Variants in ERCC6L2 observed in about 807,000 individuals in gnomAD.
ERCC6L2 encodes ERCC excision repair 6 like 2, also known as DNA excision repair protein ERCC-6-like 2.
A neutral mutation model predicts 132.0 loss-of-function variants in ERCC6L2; 77 were observed. That is an observed-to-expected ratio of 0.58 (90% confidence interval 0.49 to 0.71). The LOEUF (loss-of-function observed/expected upper bound fraction) is 0.71. Ranked by LOEUF, ERCC6L2 falls within the 30% of genes least tolerant of loss-of-function variation. The probability of loss-of-function intolerance (pLI) is 0.00; values close to 1 mark genes in which losing one functional copy is unlikely to be tolerated. For missense variants in ERCC6L2, 1,542 were observed against 1,837.6 expected (o/e 0.84, Z 2.94); for synonymous variants, 583 against 632.4 (o/e 0.92, Z 1.17).
chr9:95,973,013 A>G lies in ERCC6L2; in HGVS notation c.3262A>G (p.Arg1088Gly). The G allele has an allele frequency of 7.3e-7, 1 of 1,361,416 alleles. No homozygotes were observed. Among genetic ancestry groups the G allele is most frequent in the Non-Finnish European group, 9.8e-7 (1 of 1,019,120 alleles). The allele number at this position is 1,361,416 out of a possible 1,614,324, so 84.3% of individuals were successfully genotyped here. A position where few individuals can be genotyped will look rare whatever the true frequency, so the allele number is the denominator to read the frequency against. ...TAAGAAAAATAGCACTTTTATTCCA[A>G]GAAAACCAATGAAATGTTCAAATGA... ...HNKKNSTFIP[R>G]KPMKCSNEKV... Residue 1088 changes from arginine to glycine, a missense_variant, in exon 16 of 19, where the codon AGA becomes GGA. Physicochemically the swap from Arg to Gly is moderately radical, Grantham distance 125. This residue lies in a region of ERCC6L2 where 442 missense variants were observed against 583.4 expected (regional missense o/e 0.76). Transcript: ENST00000653738.
intron 18 of ERCC6L2, among the ~76,000 whole-genome samples, chr9:96,009,789 A>T (rs971920534): frequency 1.3e-5 from 2 of 152,238 alleles, no homozygotes; most frequent in African/African-American, 4.8e-5. Context: ...TGTAAGCAGC[A>T]ACCATGTGGC....
intron 12 of ERCC6L2, among the ~76,000 whole-genome samples, chr9:95,948,448 T>C (rs963069072): frequency 3.3e-5 from 5 of 151,826 alleles, no homozygotes; most frequent in Non-Finnish European, 5.9e-5. Flanking sequence ...AGGTCAGGAG[T>C]TTGAGACCAG....
chr9:96,007,736 G>A (rs1373965089), intron 18 of ERCC6L2, among the ~76,000 whole-genome samples: 1 of 152,208 alleles, frequency 6.6e-6, no homozygotes, highest in Non-Finnish European at 1.5e-5. Context: ...GGATGGCTTG[G>A]AAGGGTGAGG....
chr9:95,939,737 A>G (rs773748507), intron 11 of ERCC6L2, among the ~76,000 whole-genome samples: 6 of 152,092 alleles, frequency 3.9e-5, no homozygotes, highest in Non-Finnish European at 8.8e-5. Flanking sequence ...TTGTTGAAAC[A>G]TTTTTATGAT....
At chr9:96,003,596 T>C (rs2133200338) in intron 17 of ERCC6L2, among the ~76,000 whole-genome samples, 1 of 152,344 alleles carries the variant, frequency 6.6e-6, no homozygotes, top group Admixed American at 6.5e-5. Context: ...TTAAACCATT[T>C]CCATCTCCCA....
chr9:96,003,903 T>A (rs2133201308), intron 17 of ERCC6L2, among the ~76,000 whole-genome samples: 2 of 152,364 alleles, frequency 1.3e-5, no homozygotes, highest in Middle Eastern at 3.4e-3. Flanking sequence ...GTATAAAGTT[T>A]ATTTTTCTTG....
chr9:95,885,256 A>G (rs937501785), intron 2 of ERCC6L2, among the ~76,000 whole-genome samples: 3 of 152,244 alleles, frequency 2.0e-5, no homozygotes, highest in Non-Finnish European at 4.4e-5. Flanking sequence ...ATGGTTTTGT[A>G]ATATCCATCC....
chr9:95,970,721 C>G (rs1232051649), intron 15 of ERCC6L2, 65 bp downstream of exon 15: 9 of 1,118,096 alleles, frequency 8.0e-6, no homozygotes, highest in African/African-American at 1.7e-5. Context: ...AATTTTGTTT[C>G]TTTTCCTTTT....
rs1827255375 is a variant in ERCC6L2 at position 95,876,176 on chromosome 9, G to C, written c.46+92G>C. ...CCGGTGCCCTTCGGGTTGGGGTTTT[G>C]CCCTGTAGATCCTCTTCAGTGACAG... On this transcript the variant is annotated intron_variant, in intron 1 of 18. Transcript: ENST00000653738. The C allele has an allele frequency of 6.5e-6, 8 of 1,224,200 alleles. No homozygotes were observed. The South Asian group carries it at 1.1e-4, about 17-fold the overall frequency. The allele number at this position is 1,224,200 out of a possible 1,614,324, so 75.8% of individuals were successfully genotyped here. A position where few individuals can be genotyped will look rare whatever the true frequency, so the allele number is the denominator to read the frequency against.
intron 6 of ERCC6L2, among the ~76,000 whole-genome samples, chr9:95,919,995 G>A (rs115332988): frequency 2.6e-3 from 394 of 152,352 alleles, no homozygotes; most frequent in African/African-American, 9.3e-3. Context: ...TAATGTGGCA[G>A]AGGGATTCTG....
intron 3 of ERCC6L2, chr9:95,906,829 T>TA (rs1355613505): frequency 7.6e-6 from 4 of 526,784 alleles, no homozygotes; most frequent in African/African-American, 1.9e-5. Flanking sequence ...TAGGGGGAAA[T>TA]AAAAAACACG....
chr9:95,922,843 GGTT>G (rs1206570296), intron 8 of ERCC6L2, among the ~76,000 whole-genome samples: 2 of 152,050 alleles, frequency 1.3e-5, no homozygotes, highest in African/African-American at 4.8e-5. Context: ...AGTTTACTTT[GGTT>G]GTTTCCTTTT....
chr9:95,953,574 C>CAAA (rs556745003), intron 12 of ERCC6L2, among the ~76,000 whole-genome samples: 4 of 85,952 alleles, frequency 4.7e-5, no homozygotes, highest in South Asian at 6.9e-4. Flanking sequence ...GACTCTGTCT[C>CAAA]AAAAAAAAAA....
intron 6 of ERCC6L2, among the ~76,000 whole-genome samples, chr9:95,919,372 C>T (rs1829754024): frequency 6.6e-6 from 1 of 152,122 alleles, no homozygotes; most frequent in African/African-American, 2.4e-5. Flanking sequence ...ACTGCTTTGT[C>T]CCTGAAGTCA....
chr9:95,954,337 G>A (rs973586253), intron 12 of ERCC6L2, among the ~76,000 whole-genome samples: 3 of 152,058 alleles, frequency 2.0e-5, no homozygotes, highest in African/African-American at 7.2e-5. Context: ...ATTTATCCCA[G>A]TATTCTTCCA....
chr9:95,926,119 A>T (rs1023320329), intron 9 of ERCC6L2, among the ~76,000 whole-genome samples: 1 of 152,080 alleles, frequency 6.6e-6, no homozygotes, highest in Non-Finnish European at 1.5e-5. Context: ...AGTAACAAGA[A>T]CCCCCATCTG....
chr9:95,956,009 A>C lies in ERCC6L2; in HGVS notation c.1943A>C (p.Lys648Thr). ...ATCATGTATTTACGACAGATATACA[A>C]GCAGGTAAATATGTTTCCCTTTTTC... ...EEIMYLRQIY[K>T]QQLHCVVVGS... Residue 648 changes from lysine (K) to threonine (T), a missense_variant, in exon 13 of 19, where the codon AAG (lysine) becomes ACG (threonine). This residue lies in a region of ERCC6L2 where 945 missense variants were observed against 1,105.2 expected (regional missense o/e 0.86). Transcript: ENST00000653738. 1 of 1,572,546 alleles carries C rather than the reference A, an allele frequency of 6.4e-7. No individual in the cohort carries two copies. Among genetic ancestry groups the C allele is most frequent in the Non-Finnish European group, 8.7e-7 (1 of 1,154,262 alleles).
chr9:96,013,191 G>GAGT lies in ERCC6L2; in HGVS notation c.4643_4645dup (p.Ser1548dup), dbSNP rs763480653. The GAGT allele has an allele frequency of 2.2e-6, 3 of 1,361,718 alleles. No homozygotes were observed. In the Admixed American group the frequency reaches 5.9e-5, roughly 27 times the overall value. The allele number at this position is 1,361,718 out of a possible 1,614,324, so 84.4% of individuals were successfully genotyped here. A position where few individuals can be genotyped will look rare whatever the true frequency, so the allele number is the denominator to read the frequency against. ...CAGATGAAAACGCAACCAATACACA[G>GAGT]AGTACCACATAAGCATATAAATGAA... On this transcript the variant is annotated inframe_insertion, in exon 19 of 19. Coordinates refer to ENST00000653738, the MANE Select transcript of ERCC6L2 (RefSeq NM_020207.7).
intron 13 of ERCC6L2, among the ~76,000 whole-genome samples, chr9:95,960,561 G>A (rs1294529463): frequency 6.6e-6 from 1 of 152,098 alleles, no homozygotes; most frequent in South Asian, 2.1e-4. Context: ...TGATTGGAGT[G>A]GTGTGCCAGA....
Sources: gnomAD v4.1 joint callset for allele counts (sites outside exome capture counted in the v4.1 genomes callset) on GRCh38, gnomAD v4.1.1 for gene constraint, gnomAD v4.1.1 regional missense constraint, MANE v1.5 for transcripts, NCBI Gene and HGNC (gene_info 2026-07-23, HGNC 2026-07-21) for gene names.